Variants in ZZZ3 observed in about 807,000 individuals in gnomAD.
ZZZ3 encodes ZZ-type zinc finger-containing protein 3.
Under a neutral mutation model 95.2 loss-of-function variants are expected in ZZZ3, and 22 were observed. That is an observed-to-expected ratio of 0.23 (90% confidence interval 0.17 to 0.33). ZZZ3 has a LOEUF of 0.33. Among genes scored for constraint, ZZZ3 ranks in the 10% least tolerant of loss-of-function variants. ZZZ3 has a pLI of 1.00. For synonymous variants in ZZZ3, 335 were observed against 358.9 expected (o/e 0.93, Z 0.75); for missense variants, 885 against 1,066.5 (o/e 0.83, Z 2.37).
At chr1:77,621,516 TA>T (rs568033576) in intron 5 of ZZZ3, among the ~76,000 whole-genome samples, 8,197 of 122,956 alleles carry the variant, frequency 0.067, 325 homozygotes, top group African/African-American at 0.14. Flanking sequence ...AAATTTAAGT[TA>T]AAAAAAAAAA....
chr1:77,624,046 A>G (rs1332219635), intron 5 of ZZZ3, among the ~76,000 whole-genome samples: 3 of 152,228 alleles, frequency 2.0e-5, no homozygotes, highest in African/African-American at 7.2e-5. Context: ...CTTCTTACTA[A>G]TATGTAAAAA....
At chr1:77,644,419 T>C (rs1669074978) in intron 1 of ZZZ3, among the ~76,000 whole-genome samples, 1 of 152,244 alleles carries the variant, frequency 6.6e-6, no homozygotes, top group Admixed American at 6.5e-5. Context: ...TATAAAGAGC[T>C]GAACCGAATT....
chr1:77,654,218 T>C (rs1004800493), intron 1 of ZZZ3, among the ~76,000 whole-genome samples: 2 of 148,548 alleles, frequency 1.3e-5, no homozygotes, highest in African/African-American at 2.5e-5. Context: ...AGTGAAGTTA[T>C]AGTTAAAAAC....
At chr1:77,594,548 C>T (rs367561184) in intron 5 of ZZZ3, among the ~76,000 whole-genome samples, 1 of 151,936 alleles carries the variant, frequency 6.6e-6, no homozygotes, top group Non-Finnish European at 1.5e-5. Context: ...AGTAGTTATA[C>T]AGATGGATGA....
chr1:77,674,556 T>A (rs1299995511), intron 1 of ZZZ3, among the ~76,000 whole-genome samples: 1 of 152,180 alleles, frequency 6.6e-6, no homozygotes, highest in Non-Finnish European at 1.5e-5. Context: ...ACTGTGAAAA[T>A]TCACTGAGGT....
intron 9 of ZZZ3, chr1:77,580,681 G>A (rs1241554015): frequency 9.6e-6 from 2 of 209,188 alleles, no homozygotes; most frequent in Non-Finnish European, 1.9e-5. Flanking sequence ...CCAGCCTGGA[G>A]TGCAGTGGCA....
chr1:77,581,713 A>G, intron 8 of ZZZ3, 63 bp downstream of exon 8: 1 of 1,316,606 alleles, frequency 7.6e-7, no homozygotes, highest in South Asian at 1.3e-5. Flanking sequence ...ACAAACCAGC[A>G]AAATGTTAAA....
At chr1:77,576,668 CTTATTCT>C (rs1156547528) in intron 11 of ZZZ3, among the ~76,000 whole-genome samples, 1 of 151,932 alleles carries the variant, frequency 6.6e-6, no homozygotes. Context: ...TGATTGACTG[CTTATTCT>C]ATGCCAGGGT....
At chr1:77,618,657 TTTG>T (rs1194246872) in intron 5 of ZZZ3, among the ~76,000 whole-genome samples, 2 of 152,208 alleles carry the variant, frequency 1.3e-5, no homozygotes, top group East Asian at 3.8e-4. Context: ...AATAAACCCC[TTTG>T]TTGTTTGAGA....
In ZZZ3 at chr1:77,602,844, T is replaced by C. The variant is rs1391428671; in HGVS notation, c.1506-18189A>G. Among the ~76,000 whole-genome samples, 4 of 152,100 alleles carry C rather than the reference T, an allele frequency of 2.6e-5. No individual in the cohort carries two copies. The South Asian group carries it at 6.2e-4, about 24-fold the overall frequency. ...TGGTATTGAACTCCTGACCTCGTGATCTGCCCACCTCGGCCTCCCAAAGTG... is the reference window on the plus strand; with the variant it reads ...TGGTATTGAACTCCTGACCTCGTGACCTGCCCACCTCGGCCTCCCAAAGTG... On this transcript the variant is annotated intron_variant, in intron 5 of 14. Transcript: ENST00000370801.
intron 6 of ZZZ3, 108 bp downstream of exon 6, chr1:77,584,409 A>G (rs1662857790): frequency 1.7e-6 from 2 of 1,168,648 alleles, no homozygotes; most frequent in African/African-American, 3.1e-5. Context: ...TAGACGAAAA[A>G]AATTAAACAT....
chr1:77,570,384 T>C (rs992909693), intron 12 of ZZZ3, among the ~76,000 whole-genome samples: 4 of 152,234 alleles, frequency 2.6e-5, no homozygotes, highest in Admixed American at 2.6e-4. Flanking sequence ...ATTACAGGCA[T>C]ACCACACCTG....
In ZZZ3 at chr1:77,648,850, G is replaced by A. The variant is rs1211625914; in HGVS notation, c.-402-7195C>T. 2.6e-5 allele frequency among the ~76,000 whole-genome samples: 4 copies of A among 152,264 alleles called. No homozygotes were observed. The East Asian group carries it at 7.7e-4, about 29-fold the overall frequency. On this transcript the variant is annotated intron_variant, in intron 1 of 14. Coordinates refer to ENST00000370801, the MANE Select transcript of ZZZ3 (RefSeq NM_015534.6). ...TTCACAGATCAAAGAAGCTCAATAA[G>A]CTAGGCATGGTGGCTCAGTGCTGTA... is the stretch of plus-strand genomic sequence containing the variant.
chr1:77,659,611 A>C (rs1192763842), intron 1 of ZZZ3, among the ~76,000 whole-genome samples: 1 of 148,950 alleles, frequency 6.7e-6, no homozygotes, highest in East Asian at 2.1e-4. Context: ...TGAATCCGGG[A>C]GGTGGAGGTT....
chr1:77,666,406 G>A (rs771672611), intron 1 of ZZZ3, among the ~76,000 whole-genome samples: 11 of 152,236 alleles, frequency 7.2e-5, no homozygotes, highest in African/African-American at 1.7e-4. Context: ...GGTGGTGCAC[G>A]CTTGTAATTC....
At chr1:77,624,651 C>T (rs531614880) in intron 5 of ZZZ3, among the ~76,000 whole-genome samples, 3 of 152,186 alleles carry the variant, frequency 2.0e-5, no homozygotes, top group Middle Eastern at 3.4e-3. Flanking sequence ...TTGGATCCTT[C>T]GAAATATCCT....
intron 5 of ZZZ3, among the ~76,000 whole-genome samples, chr1:77,622,613 A>T (rs990193836): frequency 2.0e-5 from 3 of 152,118 alleles, no homozygotes; most frequent in African/African-American, 7.2e-5. Context: ...CAAATACGTA[A>T]TTTCTTAGAC....
chr1:77,662,719 A>G (rs919905771), intron 1 of ZZZ3, among the ~76,000 whole-genome samples: 6 of 152,186 alleles, frequency 3.9e-5, no homozygotes, highest in Non-Finnish European at 1.5e-5. Context: ...TGAGTCCAGG[A>G]GGTCAAAGCT....
chr1:77,639,921 T>A (rs1428656239), intron 3 of ZZZ3, among the ~76,000 whole-genome samples: 1 of 151,052 alleles, frequency 6.6e-6, no homozygotes, highest in African/African-American at 2.4e-5. Context: ...TTTTTTGCGG[T>A]GATAAAGGTT....
Sources: allele counts gnomAD v4.1 joint callset (sites outside exome capture counted in the v4.1 genomes callset), GRCh38; gene constraint gnomAD v4.1.1; transcripts MANE v1.5; gene names NCBI Gene and HGNC (gene_info 2026-07-23, HGNC 2026-07-21).